Variants in ADGRD1 observed in about 807,000 individuals in gnomAD.
ADGRD1 encodes G-protein coupled receptor 133.
ADGRD1 carries 77 observed loss-of-function variants against 113.4 expected under a neutral mutation model. The observed-to-expected ratio is 0.68, with a 90% CI of 0.57 to 0.82. ADGRD1 has a LOEUF of 0.82. Ranked by LOEUF, ADGRD1 falls within the 40% of genes least tolerant of loss-of-function variation. ADGRD1 has a pLI of 0.00. For synonymous variants in ADGRD1, 474 were observed against 475.0 expected (o/e 1.00, Z 0.03); for missense variants, 1,036 against 1,139.1 (o/e 0.91, Z 1.30).
At chr12:130,997,119 G>A (rs542002363) in intron 8 of ADGRD1, among the ~76,000 whole-genome samples, 3 of 133,726 alleles carry the variant, frequency 2.2e-5, no homozygotes, top group African/African-American at 5.7e-5. Flanking sequence ...TGGACGGGGC[G>A]GCTGGCCGGG....
chr12:131,044,814 C>T (rs1490128222), intron 13 of ADGRD1, among the ~76,000 whole-genome samples: 4 of 152,258 alleles, frequency 2.6e-5, no homozygotes, highest in Non-Finnish European at 5.9e-5. Flanking sequence ...GACTTCCTTC[C>T]AGCACACAGA....
At chr12:131,095,886 A>T (rs1887243670) in intron 15 of ADGRD1, among the ~76,000 whole-genome samples, 1 of 152,208 alleles carries the variant, frequency 6.6e-6, no homozygotes. Flanking sequence ...GTCAGGAGAC[A>T]GAGGGGTTCT....
chr12:131,098,028 C>T (rs1727356), intron 15 of ADGRD1, among the ~76,000 whole-genome samples: 99,137 of 152,176 alleles, frequency 0.65, 32,659 homozygotes, highest in East Asian at 0.79. Flanking sequence ...TGCAGACCCT[C>T]CCCTGCACCC....
chr12:130,987,381 G>A (rs1468852648), intron 6 of ADGRD1, 32 bp downstream of exon 6: 19 of 1,611,068 alleles, frequency 1.2e-5, no homozygotes, highest in African/African-American at 4.0e-5. Context: ...GGGCAGATCC[G>A]CTGTCTGTTC....
intron 13 of ADGRD1, among the ~76,000 whole-genome samples, chr12:131,043,627 C>T (rs925000245): frequency 6.6e-6 from 1 of 152,238 alleles, no homozygotes; most frequent in African/African-American, 2.4e-5. Context: ...GTGCCCAGCA[C>T]TGGACAGAGG....
chr12:131,021,771 A>G (rs1257910946), intron 13 of ADGRD1, among the ~76,000 whole-genome samples: 1 of 152,100 alleles, frequency 6.6e-6, no homozygotes, highest in Non-Finnish European at 1.5e-5. Flanking sequence ...GCAGAGGTGC[A>G]GTCACGGCTC....
At chr12:131,110,720 A>G (rs1195709601) in intron 18 of ADGRD1, among the ~76,000 whole-genome samples, 1 of 151,952 alleles carries the variant, frequency 6.6e-6, no homozygotes, top group Non-Finnish European at 1.5e-5. Flanking sequence ...TGCTATGTGT[A>G]TGTATGTTTC....
At chr12:130,969,409 AC>A in intron 3 of ADGRD1, 1 of 246,196 alleles carries the variant, frequency 4.1e-6, no homozygotes. Flanking sequence ...CCTATCGCTC[AC>A]ATTACCGCCC....
intron 21 of ADGRD1, among the ~76,000 whole-genome samples, chr12:131,133,796 C>T (rs1298075566): frequency 6.6e-6 from 1 of 152,198 alleles, no homozygotes; most frequent in Non-Finnish European, 1.5e-5. Flanking sequence ...AGGGAGCAGG[C>T]GCCAGGCAGG....
chr12:131,005,463 G>A (rs891259052), intron 11 of ADGRD1, among the ~76,000 whole-genome samples: 1 of 152,216 alleles, frequency 6.6e-6, no homozygotes, highest in African/African-American at 2.4e-5. Flanking sequence ...CCAGGTGAAG[G>A]CATACAGACT....
intron 2 of ADGRD1, among the ~76,000 whole-genome samples, chr12:130,963,466 C>T (rs546564498): frequency 2.0e-5 from 3 of 152,206 alleles, no homozygotes; most frequent in African/African-American, 7.2e-5. Context: ...TCTGCAGTAT[C>T]TCTCCAGACA....
intron 21 of ADGRD1, 143 bp from the exon 22 acceptor site, chr12:131,135,894 G>C (rs1951065869): frequency 2.6e-6 from 2 of 762,948 alleles, no homozygotes; most frequent in African/African-American, 3.4e-5. Context: ...CTCAACCAGG[G>C]CTACCTGCAG....
At chr12:131,034,042 C>T (rs898456076) in intron 13 of ADGRD1, among the ~76,000 whole-genome samples, 1 of 152,204 alleles carries the variant, frequency 6.6e-6, no homozygotes, top group African/African-American at 2.4e-5. Flanking sequence ...CCCCGGAGGC[C>T]AGCGCCAGCC....
intron 13 of ADGRD1, among the ~76,000 whole-genome samples, chr12:131,063,547 G>A (rs573448163): frequency 1.3e-5 from 2 of 152,182 alleles, no homozygotes; most frequent in African/African-American, 4.8e-5. Flanking sequence ...TTGAATTGCT[G>A]TTGTTTCTTT....
At chr12:130,993,163 G>A (rs1874654183) in intron 8 of ADGRD1, among the ~76,000 whole-genome samples, 1 of 152,020 alleles carries the variant, frequency 6.6e-6, no homozygotes, top group African/African-American at 2.4e-5. Context: ...CACTTCATCG[G>A]GGATAAGTGG....
chr12:131,028,241 A>G (rs542494221), intron 13 of ADGRD1, among the ~76,000 whole-genome samples: 56 of 152,232 alleles, frequency 3.7e-4, no homozygotes, highest in African/African-American at 1.2e-3. Context: ...TTGGATATCA[A>G]TATCCTTTTA....
At chr12:131,038,826 T>A (rs571614244) in intron 13 of ADGRD1, among the ~76,000 whole-genome samples, 4 of 152,360 alleles carry the variant, frequency 2.6e-5, no homozygotes, top group Admixed American at 2.0e-4. Context: ...ACCTGCTGAT[T>A]TTCCCAGAAG....
In ADGRD1 at chr12:130,991,784, G is replaced by A. The variant is rs566385364; in HGVS notation, c.811-453G>A. On this transcript the variant is annotated intron_variant, in intron 7 of 24. Coordinates refer to ENST00000261654, the MANE Select transcript of ADGRD1 (RefSeq NM_198827.5). ...GAAAGCTGAGACAGGAGGACTGCTC[G>A]AGTCCAGCCTGGGAAACACAGTGAA... Among the ~76,000 whole-genome samples the A allele has an allele frequency of 3.5e-4, 53 of 152,248 alleles. 1 individual carries two copies. Among genetic ancestry groups the A allele is most frequent in the African/African-American group, 1.2e-3 (49 of 41,530 alleles).
At position 131,138,167 on chromosome 12, in the gene ADGRD1, G is replaced by A. The variant is rs773738805; in HGVS notation, c.2467G>A (p.Val823Ile). ...VRAAFKHKTK[V>I]WSLTSSSART... The stretch of plus-strand genomic sequence containing the variant: ...AGCCGCCTTCAAGCACAAAACCAAG[G>A]TCTGGTCGCTCACGAGCAGCTCTGC... Residue 823 changes from valine to isoleucine, a missense_variant, in exon 24 of 25, where the codon GTC (valine) becomes ATC (isoleucine). By Grantham distance (29) the Val-to-Ile change is conservative. Transcript: ENST00000261654. 28 of 1,613,564 alleles carry A rather than the reference G, an allele frequency of 1.7e-5. No homozygotes were observed. The highest frequency in any genetic ancestry group is 2.3e-5 in the Non-Finnish European group (27 of 1,179,982).
Sources: gnomAD v4.1 joint callset for allele counts (sites outside exome capture counted in the v4.1 genomes callset) on GRCh38, gnomAD v4.1.1 for gene constraint, MANE v1.5 for transcripts, NCBI Gene and HGNC (gene_info 2026-07-23, HGNC 2026-07-21) for gene names.